ADGRD1: variants seen among roughly 807,000 people sequenced by gnomAD.
ADGRD1 encodes G-protein coupled receptor 133.
In ADGRD1, 77 loss-of-function variants were observed where a neutral mutation model predicts 113.4. The ratio of observed to expected loss-of-function variants is 0.68; its 90% confidence interval spans 0.57 to 0.82. The LOEUF is 0.82. ADGRD1 is among the 40% of genes least tolerant of loss of function. The pLI is 0.00. For synonymous variants in ADGRD1, 474 were observed against 475.0 expected (o/e 1.00, Z 0.03); for missense variants, 1,036 against 1,139.1 (o/e 0.91, Z 1.30).
At position 131,084,298 on chromosome 12, in the gene ADGRD1, G is replaced by C. The variant is rs1380268070; in HGVS notation, c.1548-242G>C. 2.0e-5 allele frequency among the ~76,000 whole-genome samples: 3 copies of C among 152,162 alleles called. No homozygotes were observed. The highest frequency in any genetic ancestry group is 7.2e-5 in the African/African-American group (3 of 41,450). ...GCAGCTCCCCCTTCCCTGTCCCAGA[G>C]GGAGGGCCTTGCTTCCTGTGGCCTG... On this transcript the variant is annotated intron_variant, in intron 14 of 24. Transcript: ENST00000261654. This position sits in a 1 kb window ranked among gnomAD's most constrained non-coding sequence, Gnocchi z 4.5.
chr12:131,082,782 C>G (rs1324193449), intron 14 of ADGRD1, among the ~76,000 whole-genome samples: 1 of 152,156 alleles, frequency 6.6e-6, no homozygotes, highest in Non-Finnish European at 1.5e-5. Context: ...GGGTTTTGCT[C>G]CTCTCAGTTG....
chr12:131,039,092 G>A (rs1483443349), intron 13 of ADGRD1, among the ~76,000 whole-genome samples: 1 of 152,218 alleles, frequency 6.6e-6, no homozygotes, highest in African/African-American at 2.4e-5. Context: ...CGAAGGCCCC[G>A]AGCTGTGTGC....
chr12:130,974,329 T>A (rs903910373), intron 4 of ADGRD1, among the ~76,000 whole-genome samples: 2 of 152,218 alleles, frequency 1.3e-5, no homozygotes, highest in African/African-American at 4.8e-5. Flanking sequence ...GTTATGTTTT[T>A]ATTTTAATAT....
chr12:131,113,861 T>C lies in ADGRD1; in HGVS notation c.2042-4524T>C, dbSNP rs1950401752. On this transcript the variant is annotated intron_variant, in intron 18 of 24. Transcript: ENST00000261654. The surrounding 1 kb of genome is among the most constrained non-coding windows in gnomAD (Gnocchi z 4.9). ...TCTGTGACGCCCCAGAGAGGAGAGC[T>C]GCTCCTTCTGATGATATCTGACCTC... 6.6e-6 allele frequency among the ~76,000 whole-genome samples: 1 copy of C among 152,214 alleles called. No individual in the cohort carries two copies. The highest frequency in any genetic ancestry group is 2.4e-5 in the African/African-American group (1 of 41,458).
At chr12:131,033,671 C>G (rs944248368) in intron 13 of ADGRD1, among the ~76,000 whole-genome samples, 1 of 152,158 alleles carries the variant, frequency 6.6e-6, no homozygotes, top group Non-Finnish European at 1.5e-5. Flanking sequence ...AGGGGCAGGC[C>G]GTGGGCCTGG....
chr12:131,115,831 C>T (rs563270640), intron 18 of ADGRD1, among the ~76,000 whole-genome samples: 70 of 152,232 alleles, frequency 4.6e-4, no homozygotes, highest in African/African-American at 1.6e-3. Context: ...GCTTCATCAT[C>T]GAGGGGCTCA....
intron 13 of ADGRD1, chr12:131,026,991 A>AG (rs1318597004): frequency 1.3e-5 from 2 of 152,218 alleles, no homozygotes; most frequent in African/African-American, 4.8e-5. Flanking sequence ...GGGAGATGAA[A>AG]GCAGGCGGGT....
intron 4 of ADGRD1, among the ~76,000 whole-genome samples, chr12:130,973,813 T>A (rs1056982487): frequency 8.0e-6 from 1 of 124,694 alleles, no homozygotes; most frequent in African/African-American, 2.8e-5. Context: ...AAACCGGGGG[T>A]GCGGTGGCTC....
At position 131,081,778 on chromosome 12, in the gene ADGRD1, T is replaced by C. The variant is rs549406627; in HGVS notation, c.1548-2762T>C. Among the ~76,000 whole-genome samples, 5 of 152,192 alleles carry C rather than the reference T, an allele frequency of 3.3e-5. No individual in the cohort carries two copies. The South Asian group carries it at 8.3e-4, about 25-fold the overall frequency. ...CTATTTCTTTGTGTAGATTTTTGTCTAGTATCATACTCCTTTAACTCTTCT... is the reference window on the plus strand; with the variant it reads ...CTATTTCTTTGTGTAGATTTTTGTCCAGTATCATACTCCTTTAACTCTTCT... On this transcript the variant is annotated intron_variant, in intron 14 of 24. Transcript: ENST00000261654.
At chr12:131,002,795 T>G (rs1593334893) in intron 9 of ADGRD1, 1 of 1,235,264 alleles carries the variant, frequency 8.1e-7, no homozygotes, top group Non-Finnish European at 1.0e-6. Context: ...CATCCCAGAG[T>G]GGACCTGGGG....
chr12:131,027,326 T>G lies in ADGRD1; in HGVS notation c.1473+12986T>G, dbSNP rs1880079911. ...GGTGTGTGTGTGTGTGCACACAATT[T>G]TATATAAATGGGGTTCTGCTATCCG... On this transcript the variant is annotated intron_variant, in intron 13 of 24. Transcript: ENST00000261654. This position sits in a 1 kb window ranked among gnomAD's most constrained non-coding sequence, Gnocchi z 5.1. 1 of 152,156 alleles carries G rather than the reference T, an allele frequency of 6.6e-6. No individual in the cohort carries two copies. Among genetic ancestry groups the G allele is most frequent in the South Asian group, 2.1e-4 (1 of 4,814 alleles). The allele number at this position is 152,156 out of a possible 1,614,324, so 9.4% of individuals were successfully genotyped here. A position where few individuals can be genotyped will look rare whatever the true frequency, so the allele number is the denominator to read the frequency against.
At chr12:131,006,822 G>A (rs1877187684) in intron 12 of ADGRD1, among the ~76,000 whole-genome samples, 1 of 152,128 alleles carries the variant, frequency 6.6e-6, no homozygotes, top group Non-Finnish European at 1.5e-5. Flanking sequence ...CATGCTTACC[G>A]ATTTCCTCCT....
At chr12:131,031,291 T>C (rs1880710132) in intron 13 of ADGRD1, among the ~76,000 whole-genome samples, 1 of 152,188 alleles carries the variant, frequency 6.6e-6, no homozygotes, top group Non-Finnish European at 1.5e-5. Context: ...GCTGCCCTGG[T>C]GCGGCTCAAA....
At chr12:131,120,943 C>G in intron 20 of ADGRD1, 30 bp downstream of exon 20, 1 of 1,603,478 alleles carries the variant, frequency 6.2e-7, no homozygotes, top group Non-Finnish European at 8.5e-7. Flanking sequence ...GGGCGCAGAG[C>G]GGGGCTGGGG....
intron 24 of ADGRD1, among the ~76,000 whole-genome samples, chr12:131,138,528 G>A (rs1367126423): frequency 7.2e-5 from 11 of 152,122 alleles, no homozygotes; most frequent in Non-Finnish European, 1.6e-4. Context: ...CATCCCCGCC[G>A]CCCTCCAGAG....
At chr12:131,121,322 AACAGTT>A (rs972242080) in intron 20 of ADGRD1, among the ~76,000 whole-genome samples, 7 of 152,184 alleles carry the variant, frequency 4.6e-5, no homozygotes, top group Admixed American at 6.5e-5. Context: ...AACCACACAT[AACAGTT>A]ACAGTTACAG....
At chr12:130,987,563 A>G in intron 6 of ADGRD1, 1 of 597,470 alleles carries the variant, frequency 1.7e-6, no homozygotes, top group Non-Finnish European at 3.0e-6. Context: ...TGAGATGAAT[A>G]TTGTTCTGTT....
In ADGRD1 at chr12:131,104,561, C is replaced by G. The variant is rs187590928; in HGVS notation, c.1672-270C>G. ...AGGCTCAGCGCCTGCCCGGGCCAGG[C>G]AGCCACAGTCTGGAGACTGTGGCTG... On this transcript the variant is annotated intron_variant, in intron 15 of 24. Transcript: ENST00000261654. 2.0e-5 allele frequency among the ~76,000 whole-genome samples: 3 copies of G among 152,228 alleles called. No individual in the cohort carries two copies. In the East Asian group the frequency reaches 5.8e-4, roughly 30 times the overall value.
intron 20 of ADGRD1, 29 bp from the exon 21 acceptor site, chr12:131,131,690 GCCCCCC>G: frequency 2.1e-6 from 3 of 1,458,776 alleles, no homozygotes; most frequent in Non-Finnish European, 2.9e-6. Flanking sequence ...TGCAGCCCAG[GCCCCCC>G]TCACCTTCCT....
Sources: gnomAD v4.1 joint callset for allele counts (sites outside exome capture counted in the v4.1 genomes callset) on GRCh38, gnomAD v4.1.1 for gene constraint, Gnocchi (gnomAD v3.1) non-coding constraint, MANE v1.5 for transcripts, NCBI Gene and HGNC (gene_info 2026-07-23, HGNC 2026-07-21) for gene names.